Variants in TEAD1 observed in about 807,000 individuals in gnomAD.
TEAD1 encodes the protein transcriptional enhancer factor TEF-1.
TEAD1 carries 9 observed loss-of-function variants against 54.9 expected under a neutral mutation model. The observed-to-expected ratio is 0.16, with a 90% CI of 0.10 to 0.29. The LOEUF (loss-of-function observed/expected upper bound fraction) is 0.29. TEAD1 is among the 10% of genes least tolerant of loss of function. The pLI is 1.00. For synonymous variants in TEAD1, 200 were observed against 187.8 expected (o/e 1.07, Z -0.53); for missense variants, 387 against 535.9 (o/e 0.72, Z 2.74).
chr11:12,892,362 G>T (rs113463747), intron 9 of TEAD1, among the ~76,000 whole-genome samples: 5 of 152,142 alleles, frequency 3.3e-5, no homozygotes, highest in Non-Finnish European at 7.3e-5. Context: ...GGTTTCAGCC[G>T]GGCGCAGTGG....
At chr11:12,864,627 GT>G in intron 4 of TEAD1, 1 of 1,125,418 alleles carries the variant, frequency 8.9e-7, no homozygotes. Flanking sequence ...TTTTTGTTTT[GT>G]TTTGTTTTGT....
At chr11:12,889,404 AC>A (rs11352376) in intron 9 of TEAD1, among the ~76,000 whole-genome samples, 152,016 of 152,302 alleles carry the variant, frequency 1, 75,865 homozygotes, top group Middle Eastern at 1. Flanking sequence ...CCAGCCCCCC[AC>A]CAGGGCAGCA....
chr11:12,703,892 A>T (rs1943757948), intron 2 of TEAD1, among the ~76,000 whole-genome samples: 1 of 152,144 alleles, frequency 6.6e-6, no homozygotes, highest in Non-Finnish European at 1.5e-5. Context: ...CTCTTTTTAT[A>T]AAACACAGGC....
At chr11:12,742,728 C>A (rs530280526) in intron 2 of TEAD1, among the ~76,000 whole-genome samples, 1 of 152,196 alleles carries the variant, frequency 6.6e-6, no homozygotes, top group South Asian at 2.1e-4. Context: ...AAAAATAAAA[C>A]TTTAAAAAAG....
chr11:12,820,554 C>A (rs186510118), intron 3 of TEAD1, among the ~76,000 whole-genome samples: 61 of 152,216 alleles, frequency 4.0e-4, no homozygotes, highest in Non-Finnish European at 8.1e-4. Flanking sequence ...AATTATAACA[C>A]CCTAAAAGAA....
At chr11:12,692,645 C>T (rs1943485192) in intron 2 of TEAD1, among the ~76,000 whole-genome samples, 1 of 152,138 alleles carries the variant, frequency 6.6e-6, no homozygotes, top group South Asian at 2.1e-4. Context: ...GGAAGAGCCC[C>T]GTAATTCACA....
intron 3 of TEAD1, among the ~76,000 whole-genome samples, chr11:12,819,774 CTTA>C (rs1946500916): frequency 6.6e-6 from 1 of 152,170 alleles, no homozygotes; most frequent in Admixed American, 6.5e-5. Flanking sequence ...TAAAAGCGGT[CTTA>C]TTCTGTAATA....
chr11:12,925,693 T>TG (rs1948892722), intron 11 of TEAD1, among the ~76,000 whole-genome samples: 1 of 152,130 alleles, frequency 6.6e-6, no homozygotes, highest in African/African-American at 2.4e-5. Context: ...TGAGGCCTTG[T>TG]GGGGTAGTGT....
chr11:12,693,407 A>G (rs34456199), intron 2 of TEAD1, among the ~76,000 whole-genome samples: 3,141 of 152,340 alleles, frequency 0.021, 48 homozygotes, highest in Non-Finnish European at 0.034. Context: ...GAACAGTTAA[A>G]TCTTAAGCTA....
rs556155427 is a variant in TEAD1 at position 12,795,533 on chromosome 11, G to A, written c.202+31099G>A. Among the ~76,000 whole-genome samples, 4 of 152,326 alleles carry A rather than the reference G, an allele frequency of 2.6e-5. No individual in the cohort carries two copies. In the East Asian group the frequency reaches 7.7e-4, roughly 29 times the overall value. ...TGTTGGGACCAGGATTGGAACTCAG[G>A]CCAGCCTGTCCAAAGCCACTTCTCT... On this transcript the variant is annotated intron_variant, in intron 3 of 12. Coordinates refer to ENST00000527636, the MANE Select transcript of TEAD1 (RefSeq NM_021961.6).
chr11:12,807,215 C>T (rs1946192557), intron 3 of TEAD1, among the ~76,000 whole-genome samples: 1 of 152,014 alleles, frequency 6.6e-6, no homozygotes, highest in Non-Finnish European at 1.5e-5. Context: ...ATTTTTTATC[C>T]CATGAGGTTT....
chr11:12,803,169 T>TC (rs570062997), intron 3 of TEAD1, among the ~76,000 whole-genome samples: 7 of 152,006 alleles, frequency 4.6e-5, no homozygotes, highest in Non-Finnish European at 1.0e-4. Context: ...TGAGGATTTT[T>TC]CCCCCCTTTC....
chr11:12,695,900 A>G (rs981975503), intron 2 of TEAD1, among the ~76,000 whole-genome samples: 4 of 152,166 alleles, frequency 2.6e-5, no homozygotes, highest in African/African-American at 9.7e-5. Context: ...ACCTTGCCAT[A>G]TTTTAGCCAG....
intron 3 of TEAD1, among the ~76,000 whole-genome samples, chr11:12,777,350 A>C (rs2133943370): frequency 1.3e-5 from 2 of 152,286 alleles, no homozygotes; most frequent in Admixed American, 1.3e-4. Context: ...CAAAGGTCCC[A>C]ATTGCTCACT....
intron 2 of TEAD1, among the ~76,000 whole-genome samples, chr11:12,684,554 C>T (rs530765983): frequency 6.6e-6 from 1 of 152,312 alleles, no homozygotes; most frequent in African/African-American, 2.4e-5. Context: ...GGTACTTTTG[C>T]TGCCCTCATT....
intron 5 of TEAD1, among the ~76,000 whole-genome samples, chr11:12,879,113 C>A (rs1057225795): frequency 1.3e-5 from 2 of 152,178 alleles, no homozygotes; most frequent in African/African-American, 4.8e-5. Context: ...AAAGCATGCA[C>A]CCCGCCAGCA....
chr11:12,836,540 G>A (rs1946896428), intron 3 of TEAD1, among the ~76,000 whole-genome samples: 1 of 152,168 alleles, frequency 6.6e-6, no homozygotes, highest in African/African-American at 2.4e-5. Flanking sequence ...TCGTTATGTT[G>A]CGAGCATGAG....
intron 8 of TEAD1, 54 bp downstream of exon 8, chr11:12,882,011 TG>T (rs1416398795): frequency 6.3e-7 from 1 of 1,586,238 alleles, no homozygotes; most frequent in Non-Finnish European, 8.7e-7. Context: ...AGCTGACAGC[TG>T]GGTCTGGCAC....
chr11:12,829,734 G>A (rs1202222272), intron 3 of TEAD1, among the ~76,000 whole-genome samples: 1 of 152,206 alleles, frequency 6.6e-6, no homozygotes, highest in Non-Finnish European at 1.5e-5. Flanking sequence ...AGTGAACTCA[G>A]TCAGGTGTTT....
Sources: allele counts gnomAD v4.1 joint callset (sites outside exome capture counted in the v4.1 genomes callset), GRCh38; gene constraint gnomAD v4.1.1; transcripts MANE v1.5; gene names NCBI Gene and HGNC (gene_info 2026-07-23, HGNC 2026-07-21).